DLGAP4: variants seen among roughly 807,000 people sequenced by gnomAD.
DLGAP4 encodes the protein DLG associated protein 4.
In DLGAP4, 18 loss-of-function variants were observed where a neutral mutation model predicts 86.9. The ratio of observed to expected loss-of-function variants is 0.21; its 90% CI spans 0.14 to 0.31. The LOEUF (loss-of-function observed/expected upper bound fraction) is 0.31, where lower values mean the gene tolerates loss of function less well. DLGAP4 is among the 10% of genes least tolerant of loss of function. The probability of loss-of-function intolerance (pLI) is 1.00; values close to 1 mark genes in which losing one functional copy is unlikely to be tolerated. For synonymous variants in DLGAP4, 548 were observed against 574.3 expected, an observed-to-expected ratio of 0.95 and a Z score of 0.65; for missense variants, 1,085 against 1,362.6, an observed-to-expected ratio of 0.80 and a Z score of 3.21.
intron 7 of DLGAP4, among the ~76,000 whole-genome samples, chr20:36,449,245 C>T (rs1279353200): frequency 2.6e-5 from 4 of 152,202 alleles, no homozygotes; most frequent in South Asian, 2.1e-4. Context: ...TCTGCCTCCT[C>T]GCCACTCAGC....
intron 7 of DLGAP4, among the ~76,000 whole-genome samples, chr20:36,454,852 G>A (rs2033839474): frequency 6.6e-6 from 1 of 152,224 alleles, no homozygotes; most frequent in Admixed American, 6.5e-5. Context: ...GCCCACCCAC[G>A]TGGACCTGGC....
At chr20:36,348,001 G>A (rs1569466140) in intron 1 of DLGAP4, among the ~76,000 whole-genome samples, 2 of 152,048 alleles carry the variant, frequency 1.3e-5, no homozygotes, top group Non-Finnish European at 2.9e-5. Context: ...GATTCCTGAT[G>A]ACTGCTCCAG....
At chr20:36,385,356 G>GT (rs1360183170) in intron 2 of DLGAP4, among the ~76,000 whole-genome samples, 1 of 152,144 alleles carries the variant, frequency 6.6e-6, no homozygotes, top group Non-Finnish European at 1.5e-5. Context: ...CCTGTAGATG[G>GT]TTTTCAGGAT....
chr20:36,360,002 A>G (rs1358873274), intron 1 of DLGAP4, among the ~76,000 whole-genome samples: 1 of 152,196 alleles, frequency 6.6e-6, no homozygotes, highest in African/African-American at 2.4e-5. Context: ...TCCTCTCTGC[A>G]TAAAACTCCA....
intron 1 of DLGAP4, among the ~76,000 whole-genome samples, chr20:36,354,915 C>T (rs2030275540): frequency 6.6e-6 from 1 of 152,196 alleles, no homozygotes; most frequent in Non-Finnish European, 1.5e-5. Flanking sequence ...ACACTCCAGC[C>T]TGGGTGACAG....
chr20:36,371,988 TC>T (rs2030958659), intron 2 of DLGAP4, among the ~76,000 whole-genome samples: 2 of 152,272 alleles, frequency 1.3e-5, no homozygotes. Flanking sequence ...GGGTACTTCT[TC>T]TCTCCTGCTA....
At chr20:36,440,046 T>A (rs1334543849) in intron 5 of DLGAP4, among the ~76,000 whole-genome samples, 178 bp downstream of exon 5, 1 of 152,156 alleles carries the variant, frequency 6.6e-6, no homozygotes, top group African/African-American at 2.4e-5. Context: ...CCAACTGTCC[T>A]GTGGCTGGAG....
chr20:36,396,372 A>G (rs879200284), intron 2 of DLGAP4, among the ~76,000 whole-genome samples: 634 of 42,756 alleles, frequency 0.015, 3 homozygotes, highest in Middle Eastern at 0.021. Context: ...GCACATACAC[A>G]CACCCCACAT....
chr20:36,472,636 G>C (rs1324097242), intron 7 of DLGAP4, among the ~76,000 whole-genome samples: 1 of 151,886 alleles, frequency 6.6e-6, no homozygotes, highest in Non-Finnish European at 1.5e-5. Context: ...GCTCACTTCT[G>C]CTTGGATTAG....
chr20:36,408,505 G>A (rs1035903386), intron 2 of DLGAP4, among the ~76,000 whole-genome samples: 4 of 152,190 alleles, frequency 2.6e-5, no homozygotes, highest in African/African-American at 9.7e-5. Context: ...TGTTCCTGCA[G>A]GCAGTCACAA....
rs377745326 is a variant in DLGAP4, at chr20:36,442,723, G to T, written c.1357-4G>T. On this transcript the variant is annotated splice_polypyrimidine_tract_variant and splice_region_variant and intron_variant, in intron 5 of 12. Coordinates refer to ENST00000339266, the MANE Select transcript of DLGAP4 (RefSeq NM_001365621.2). ...CCATAACCCTCACCCTCTCTTTCCT[G>T]CAGATTTTTGGACAGGCCTCCCTGA... 6.2e-7 allele frequency: 1 copy of T among 1,613,980 alleles called. No homozygotes were observed. The highest frequency in any genetic ancestry group is 1.1e-5 in the South Asian group (1 of 91,090).
rs190806327 is a variant in DLGAP4 at position 36,516,573 on chromosome 20, G to A, written c.2513-7677G>A. On this transcript the variant is annotated intron_variant, in intron 10 of 12. Coordinates refer to ENST00000339266, the MANE Select transcript of DLGAP4 (RefSeq NM_001365621.2). ...CCCAGCTACTTGGAAGGCTGAGACC[G>A]GAGAATCACTTGAACCCGGGAGGCA... Among the ~76,000 whole-genome samples, 12 of 151,714 alleles carry A rather than the reference G, an allele frequency of 7.9e-5. No homozygotes were observed. The East Asian group carries it at 9.7e-4, about 12-fold the overall frequency.
chr20:36,463,509 G>A (rs2034195737), intron 7 of DLGAP4, among the ~76,000 whole-genome samples: 1 of 152,112 alleles, frequency 6.6e-6, no homozygotes, highest in South Asian at 2.1e-4. Flanking sequence ...CTGGTTATTC[G>A]AGAATGCACC....
rs2147777650 is a variant in DLGAP4, at chr20:36,500,182, C to CAA, written c.2100-17_2100-16insAA. On this transcript the variant is annotated splice_polypyrimidine_tract_variant and intron_variant, in intron 9 of 12. Transcript: ENST00000339266. The surrounding 1 kb of genome is among the most constrained non-coding windows in gnomAD (Gnocchi z 4.6). The stretch of plus-strand genomic sequence containing the variant: ...TCACTCCTTCCTGTCCCCACCCCAT[C>CAA]CACCCCCTACCCACAGAAGCAGCGT... 1.9e-5 allele frequency: 25 copies of CAA among 1,350,982 alleles called. No individual in the cohort carries two copies. The highest frequency in any genetic ancestry group is 2.6e-5 in the East Asian group (1 of 38,950). The allele number at this position is 1,350,982 out of a possible 1,614,324, so 83.7% of individuals were successfully genotyped here. A position where few individuals can be genotyped will look rare whatever the true frequency, so the allele number is the denominator to read the frequency against.
At chr20:36,318,647 T>A (rs1286157312) in intron 1 of DLGAP4, among the ~76,000 whole-genome samples, 1 of 152,162 alleles carries the variant, frequency 6.6e-6, no homozygotes, top group Non-Finnish European at 1.5e-5. Context: ...GTGCTGGGAT[T>A]ACAGGTGTGG....
chr20:36,462,534 C>CGGGTCTCT (rs1569507259), intron 7 of DLGAP4: 3 of 1,601,140 alleles, frequency 1.9e-6, no homozygotes, highest in African/African-American at 1.3e-5. Context: ...CTGTCTTTGC[C>CGGGTCTCT]GGGTCTCTGG....
intron 1 of DLGAP4, among the ~76,000 whole-genome samples, chr20:36,319,356 G>A (rs1488820425): frequency 1.3e-5 from 2 of 152,160 alleles, no homozygotes; most frequent in African/African-American, 4.8e-5. Flanking sequence ...GCCTGTCTCA[G>A]AGGCTTGGTT....
chr20:36,426,288 G>T (rs902064320), intron 2 of DLGAP4, among the ~76,000 whole-genome samples: 1 of 152,202 alleles, frequency 6.6e-6, no homozygotes, highest in African/African-American at 2.4e-5. Context: ...GCCAAGGCAG[G>T]CATTTCACTT....
intron 1 of DLGAP4, among the ~76,000 whole-genome samples, chr20:36,358,100 G>A (rs1468116872): frequency 6.6e-6 from 1 of 152,206 alleles, no homozygotes; most frequent in Non-Finnish European, 1.5e-5. Context: ...ATGTCCCGGG[G>A]TTTAGGGCTG....
Sources: allele counts gnomAD v4.1 joint callset (sites outside exome capture counted in the v4.1 genomes callset), GRCh38; gene constraint gnomAD v4.1.1; non-coding constraint Gnocchi (gnomAD v3.1); transcripts MANE v1.5; gene names NCBI Gene and HGNC (gene_info 2026-07-23, HGNC 2026-07-21).